DCDC1: variants seen among roughly 807,000 people sequenced by gnomAD.
DCDC1 encodes the protein doublecortin domain containing 1.
In DCDC1, 200 loss-of-function variants were observed where a neutral mutation model predicts 178.3. The ratio of observed to expected loss-of-function variants is 1.12; its 90% confidence interval spans 1.00 to 1.26. The LOEUF (loss-of-function observed/expected upper bound fraction) is 1.26. Ranked by LOEUF, DCDC1 falls within the 50% of genes most tolerant of loss-of-function variation. DCDC1 has a pLI of 0.00. For missense variants in DCDC1, 1,983 were observed against 1,749.2 expected (o/e 1.13, Z -2.38); for synonymous variants, 690 against 604.8 (o/e 1.14, Z -2.07).
Position 31,319,255 on chromosome 11 carries a change from G to A in DCDC1, c.164+8862C>T, listed in dbSNP as rs1482985083. On this transcript the variant is annotated intron_variant, in intron 3 of 38. Coordinates refer to ENST00000684477, the MANE Select transcript of DCDC1 (RefSeq NM_001387274.1). ...GTTGATCTGTCTAATGTTGACAGTGGGGTGTTAAAGTCTCCCATTATTAAT... is the reference window on the plus strand; with the variant it reads ...GTTGATCTGTCTAATGTTGACAGTGAGGTGTTAAAGTCTCCCATTATTAAT... Among the ~76,000 whole-genome samples, 47 of 16,742 alleles carry A rather than the reference G, an allele frequency of 2.8e-3. 5 individuals are homozygous for A. Among genetic ancestry groups the A allele is most frequent in the East Asian group, 2.6e-3 (4 of 1,530 alleles). The allele number at this position is 16,742 out of a possible 152,430, so 11.0% of individuals were successfully genotyped here.
At chr11:31,221,005 A>G (rs531291178) in intron 9 of DCDC1, among the ~76,000 whole-genome samples, 1 of 152,128 alleles carries the variant, frequency 6.6e-6, no homozygotes, top group Non-Finnish European at 1.5e-5. Flanking sequence ...AACCTTAATT[A>G]CTTCCATAAA....
chr11:31,337,346 C>T (rs1342540149), intron 1 of DCDC1, among the ~76,000 whole-genome samples: 1 of 152,186 alleles, frequency 6.6e-6, no homozygotes, highest in East Asian at 1.9e-4. Flanking sequence ...GACTGTGGTT[C>T]TAAGCTTTTT....
chr11:31,090,638 A>T (rs1488500489), intron 17 of DCDC1, among the ~76,000 whole-genome samples: 1 of 152,164 alleles, frequency 6.6e-6, no homozygotes, highest in African/African-American at 2.4e-5. Context: ...ATTACATGAT[A>T]TCCTTATATC....
chr11:30,928,408 A>G (rs182853804), intron 22 of DCDC1, among the ~76,000 whole-genome samples: 24 of 142,058 alleles, frequency 1.7e-4, no homozygotes, highest in Admixed American at 1.6e-3. Context: ...TAAGACATTC[A>G]TGTTTTAAAA....
chr11:31,368,397 T>G (rs1009558296), intron 1 of DCDC1, among the ~76,000 whole-genome samples: 3 of 152,160 alleles, frequency 2.0e-5, no homozygotes, highest in African/African-American at 7.2e-5. Context: ...GCTAGAGATG[T>G]TCAAGGTGGC....
At position 31,067,743 on chromosome 11, in the gene DCDC1, T is replaced by C. The variant is rs140311408; in HGVS notation, c.2299-2590A>G. On this transcript the variant is annotated intron_variant, in intron 18 of 38. Transcript: ENST00000684477. Reference sequence around the variant, plus strand: ...TGAATTACTAAAGCATGCTACAACCTGAATTAACTCAGAAAACATTATGCT... The same window carrying C: ...TGAATTACTAAAGCATGCTACAACCCGAATTAACTCAGAAAACATTATGCT... 1.9e-3 allele frequency among the ~76,000 whole-genome samples: 296 copies of C among 152,212 alleles called. 1 individual carries two copies. The highest frequency in any genetic ancestry group is 6.8e-3 in the African/African-American group (284 of 41,524).
intron 36 of DCDC1, chr11:30,883,152 C>T (rs994106610): frequency 6.6e-6 from 1 of 152,506 alleles, no homozygotes; most frequent in Non-Finnish European, 1.5e-5. Context: ...AATATAATAA[C>T]CAAAGTTGTA....
intron 7 of DCDC1, among the ~76,000 whole-genome samples, chr11:31,274,234 C>T (rs1423688487): frequency 6.6e-6 from 1 of 152,098 alleles, no homozygotes; most frequent in Non-Finnish European, 1.5e-5. Context: ...AAATGGTACC[C>T]CAACATTTCA....
chr11:31,185,614 T>C (rs1969380966), intron 9 of DCDC1, among the ~76,000 whole-genome samples: 2 of 152,108 alleles, frequency 1.3e-5, no homozygotes, highest in Non-Finnish European at 2.9e-5. Context: ...GTCAATTGTG[T>C]GGAAAATAAA....
chr11:31,294,782 GAAAGAAAAAT>G (rs1242214504), intron 6 of DCDC1, among the ~76,000 whole-genome samples: 32 of 142,512 alleles, frequency 2.2e-4, no homozygotes, highest in African/African-American at 5.5e-4. Context: ...GAAAGAGAAA[GAAAGAAAAAT>G]AAAGAAAAAG....
At chr11:31,138,825 G>A (rs1397374379) in intron 9 of DCDC1, among the ~76,000 whole-genome samples, 1 of 152,086 alleles carries the variant, frequency 6.6e-6, no homozygotes, top group Non-Finnish European at 1.5e-5. Flanking sequence ...CTTGAATCTA[G>A]ATGTGCATAT....
intron 20 of DCDC1, among the ~76,000 whole-genome samples, chr11:30,989,082 C>A (rs1052632607): frequency 1.3e-5 from 2 of 152,022 alleles, no homozygotes; most frequent in African/African-American, 4.8e-5. Flanking sequence ...ATATAGAAGT[C>A]AGAGAACACA....
intron 17 of DCDC1, among the ~76,000 whole-genome samples, chr11:31,089,238 T>C (rs905649419): frequency 6.6e-5 from 10 of 152,204 alleles, no homozygotes. Flanking sequence ...CCTCCTCTTT[T>C]AGTATTTTAA....
rs1190674011 is a variant in DCDC1, at chr11:30,863,788, CTTT to C, written c.*1582_*1584del. ...AATATCTTCTCTTTTATCAGAACTT[CTTT>C]ATTTGGAAAGTTCTGTGACAAACAT... On this transcript the variant is annotated 3_prime_UTR_variant, in exon 39 of 39. Coordinates refer to ENST00000684477, the MANE Select transcript of DCDC1 (RefSeq NM_001387274.1). The C allele has an allele frequency of 1.3e-5, 2 of 152,318 alleles. No homozygotes were observed. The highest frequency in any genetic ancestry group is 2.1e-4 in the South Asian group (1 of 4,828). The allele number at this position is 152,318 out of a possible 1,614,324, so 9.4% of individuals were successfully genotyped here. A position where few individuals can be genotyped will look rare whatever the true frequency, so the allele number is the denominator to read the frequency against.
At chr11:31,207,406 C>T (rs1286339759) in intron 9 of DCDC1, among the ~76,000 whole-genome samples, 2 of 152,268 alleles carry the variant, frequency 1.3e-5, no homozygotes, top group Admixed American at 6.5e-5. Flanking sequence ...ATTCTTTCTT[C>T]CCAACTGGTA....
At chr11:30,885,070 C>A (rs922898216) in intron 36 of DCDC1, among the ~76,000 whole-genome samples, 1 of 151,778 alleles carries the variant, frequency 6.6e-6, no homozygotes, top group Admixed American at 6.6e-5. Flanking sequence ...GTAATACATA[C>A]TTTACATAAC....
At chr11:30,916,173 T>G (rs1209896061) in intron 26 of DCDC1, among the ~76,000 whole-genome samples, 1 of 152,186 alleles carries the variant, frequency 6.6e-6, no homozygotes, top group Admixed American at 6.5e-5. Context: ...AACTCACCTC[T>G]AACAAGTCAT....
chr11:30,935,415 G>A lies in DCDC1; in HGVS notation c.2716-3463C>T, dbSNP rs913623803. ...TATAGTCTGGGATGCTACCGTCTTCGTTACATTAATTACTAACCTGATTGG... is the reference window on the plus strand; with the variant it reads ...TATAGTCTGGGATGCTACCGTCTTCATTACATTAATTACTAACCTGATTGG... On this transcript the variant is annotated intron_variant, in intron 21 of 38. Transcript: ENST00000684477. Among the ~76,000 whole-genome samples, 13 of 152,222 alleles carry A rather than the reference G, an allele frequency of 8.5e-5. 1 individual carries two copies. The highest frequency in any genetic ancestry group is 6.8e-3 in the Middle Eastern group (2 of 294).
At position 31,094,177 on chromosome 11, in the gene DCDC1, G is replaced by T. The variant is rs1023903397; in HGVS notation, c.1991C>A (p.Pro664His). 1 of 765,914 alleles carries T rather than the reference G, an allele frequency of 1.3e-6. No individual in the cohort carries two copies. The highest frequency in any genetic ancestry group is 2.4e-6 in the Non-Finnish European group (1 of 417,708). The allele number at this position is 765,914 out of a possible 1,614,324, so 47.4% of individuals were successfully genotyped here. A position where few individuals can be genotyped will look rare whatever the true frequency, so the allele number is the denominator to read the frequency against. ...ENHFLQNKVD[P>H]NIVLHASVSI... ...AACAGAGGCATGAAGGACAATATTG[G>T]GATCTACCTGTATCATAAGAAGAAG... Residue 664 changes from proline to histidine, a missense_variant, in exon 16 of 39, where the codon CCC becomes CAC. Transcript: ENST00000684477.
Sources: gnomAD v4.1 joint callset for allele counts (sites outside exome capture counted in the v4.1 genomes callset) on GRCh38, gnomAD v4.1.1 for gene constraint, MANE v1.5 for transcripts, NCBI Gene and HGNC (gene_info 2026-07-23, HGNC 2026-07-21) for gene names.